Variants in NSD3 observed in about 807,000 individuals in gnomAD.
NSD3 encodes the protein histone-lysine N-methyltransferase NSD3.
In NSD3, 24 loss-of-function variants were observed where a neutral mutation model predicts 160.8. That is an observed-to-expected ratio of 0.15 (90% CI 0.11 to 0.21). NSD3 has a LOEUF of 0.21. Among genes scored for constraint, NSD3 ranks in the 10% least tolerant of loss-of-function variants. The pLI is 1.00. For missense variants in NSD3, 1,157 were observed against 1,735.9 expected (o/e 0.67, Z 5.93); for synonymous variants, 520 against 600.0 (o/e 0.87, Z 1.95).
chr8:38,299,956 A>G (rs1358829607), intron 14 of NSD3, among the ~76,000 whole-genome samples: 4 of 151,964 alleles, frequency 2.6e-5, no homozygotes, highest in Non-Finnish European at 5.9e-5. Flanking sequence ...GATATTATAT[A>G]TCATGTAATG....
At position 38,364,277 on chromosome 8, in the gene NSD3, AAACAACAAC is replaced by A. The variant is rs10672618; in HGVS notation, c.-44-16071_-44-16063del. ...GGGTGACAGAGCAAGACTCCGTCTC[AAACAACAAC>A]AACAACAACAACAACAACAACAACA... On this transcript the variant is annotated intron_variant, in intron 1 of 23. Coordinates refer to ENST00000317025, the MANE Select transcript of NSD3 (RefSeq NM_023034.2). Among the ~76,000 whole-genome samples, 1,431 of 149,406 alleles carry A rather than the reference AAACAACAAC, an allele frequency of 9.6e-3. 11 individuals carry two copies. Among genetic ancestry groups the A allele is most frequent in the Non-Finnish European group, 0.012 (826 of 67,416 alleles).
intron 19 of NSD3, among the ~76,000 whole-genome samples, chr8:38,287,791 T>G (rs1201129456): frequency 1.3e-5 from 2 of 152,122 alleles, no homozygotes; most frequent in Non-Finnish European, 2.9e-5. Context: ...TAGCTGGGAC[T>G]ACAGGTGCCC....
intron 1 of NSD3, among the ~76,000 whole-genome samples, chr8:38,359,310 T>C (rs923359369): frequency 5.3e-5 from 8 of 152,180 alleles, no homozygotes; most frequent in Non-Finnish European, 7.4e-5. Flanking sequence ...CCCAAACACA[T>C]ACCTTTAGAA....
At chr8:38,334,644 C>T (rs1810164006) in intron 4 of NSD3, among the ~76,000 whole-genome samples, 1 of 151,692 alleles carries the variant, frequency 6.6e-6, no homozygotes, top group African/African-American at 2.4e-5. Context: ...CCTGTAATCT[C>T]AGCTACTTGG....
Position 38,313,435 on chromosome 8 carries a change from A to G in NSD3, c.2242+1212T>C, listed in dbSNP as rs1012346097. Among the ~76,000 whole-genome samples, 14 of 152,172 alleles carry G rather than the reference A, an allele frequency of 9.2e-5. 1 individual carries two copies. The highest frequency in any genetic ancestry group is 9.2e-4 in the Admixed American group (14 of 15,280). On this transcript the variant is annotated intron_variant, in intron 12 of 23. Coordinates refer to ENST00000317025, the MANE Select transcript of NSD3 (RefSeq NM_023034.2). ...TTTCTCCTTCTGCATAATGGAAATC[A>G]TAATAGTACCTATCTCATCATGGAT...
rs900806053 is a variant in NSD3, at chr8:38,316,724, C to T, written c.1856-682G>A. ...TCAGTGTTCAAGTGCAGCCAAATCA[C>T]GTAGAGCTGGATGGGAAGGCCTCTA... is the stretch of plus-strand genomic sequence containing the variant. On this transcript the variant is annotated intron_variant, in intron 9 of 23. Coordinates refer to ENST00000317025, the MANE Select transcript of NSD3 (RefSeq NM_023034.2). This position sits in a 1 kb window ranked among gnomAD's most constrained non-coding sequence, Gnocchi z 4.5. 5 of 1,055,924 alleles carry T rather than the reference C, an allele frequency of 4.7e-6. No homozygotes were observed. The highest frequency in any genetic ancestry group is 5.3e-5 in the East Asian group (1 of 18,834). The allele number at this position is 1,055,924 out of a possible 1,614,324, so 65.4% of individuals were successfully genotyped here.
At chr8:38,305,557 T>G (rs1316074489) in intron 12 of NSD3, 112 bp from the exon 13 acceptor site, 1 of 906,582 alleles carries the variant, frequency 1.1e-6, no homozygotes, top group African/African-American at 1.7e-5. Context: ...ATTACTATAC[T>G]TAAGAATTTA....
rs141901471 is a variant in NSD3 at position 38,313,406 on chromosome 8, C to T, written c.2242+1241G>A. Among the ~76,000 whole-genome samples the T allele has an allele frequency of 2.0e-5, 3 of 152,248 alleles. No homozygotes were observed. The South Asian group carries it at 6.2e-4, about 32-fold the overall frequency. ...TGGGGAAGCTATTAAACTCTCTAAT[C>T]CTGTTTCTCCTTCTGCATAATGGAA... On this transcript the variant is annotated intron_variant, in intron 12 of 23. Coordinates refer to ENST00000317025, the MANE Select transcript of NSD3 (RefSeq NM_023034.2).
At chr8:38,340,889 G>C (rs556797441) in intron 2 of NSD3, among the ~76,000 whole-genome samples, 1 of 152,128 alleles carries the variant, frequency 6.6e-6, no homozygotes, top group Admixed American at 6.5e-5. Flanking sequence ...GCTATGGCTC[G>C]GCATGGTGTG....
Position 38,316,795 on chromosome 8 carries a change from G to T in NSD3, c.1856-753C>A. 9.4e-7 allele frequency: 1 copy of T among 1,060,708 alleles called. No individual in the cohort carries two copies. The highest frequency in any genetic ancestry group is 1.1e-6 in the Non-Finnish European group (1 of 876,230). 65.7% of individuals were successfully genotyped at this position (1,060,708 alleles called of 1,614,324 possible). A position where few individuals can be genotyped will look rare whatever the true frequency, so the allele number is the denominator to read the frequency against. ...AAATAAATAGGAAAAAAAAGGCAGA[G>T]AATAGTGTGGAATTGTTTTTTTTAA... is the stretch of plus-strand genomic sequence containing the variant. On this transcript the variant is annotated intron_variant, in intron 9 of 23. Coordinates refer to ENST00000317025, the MANE Select transcript of NSD3 (RefSeq NM_023034.2). This position sits in a 1 kb window ranked among gnomAD's most constrained non-coding sequence, Gnocchi z 4.5.
chr8:38,337,138 G>A (rs1449680140), intron 4 of NSD3, among the ~76,000 whole-genome samples, 167 bp downstream of exon 4: 6 of 138,244 alleles, frequency 4.3e-5, no homozygotes, highest in African/African-American at 1.6e-4. Context: ...CAAAAACTCC[G>A]TCTCAAAAAA....
chr8:38,278,045 T>C (rs910533894), intron 22 of NSD3, among the ~76,000 whole-genome samples: 3 of 151,674 alleles, frequency 2.0e-5, no homozygotes, highest in Non-Finnish European at 4.4e-5. Context: ...TTCACGCCAT[T>C]CTCCTGCCTC....
intron 1 of NSD3, among the ~76,000 whole-genome samples, chr8:38,362,502 T>A (rs553015305): frequency 9.2e-5 from 14 of 152,290 alleles, no homozygotes; most frequent in African/African-American, 3.4e-4. Context: ...TAGTATGTAA[T>A]TTTTTAATTT....
Position 38,270,185 on chromosome 8 carries a change from G to A in NSD3, c.*5456C>T, listed in dbSNP as rs2130967726. On this transcript the variant is annotated 3_prime_UTR_variant, in exon 24 of 24. Transcript: ENST00000317025. The stretch of plus-strand genomic sequence containing the variant: ...AAGTCACAGAAACTCAAAAGAGATT[G>A]ACTTTAGTGAATATTGATGCTTTGT... 6.6e-6 allele frequency: 1 copy of A among 152,308 alleles called. No homozygotes were observed. The highest frequency in any genetic ancestry group is 2.4e-5 in the African/African-American group (1 of 41,574). The allele number at this position is 152,308 out of a possible 1,614,324, so 9.4% of individuals were successfully genotyped here.
At chr8:38,369,807 GT>G (rs1811197402) in intron 1 of NSD3, among the ~76,000 whole-genome samples, 1 of 151,864 alleles carries the variant, frequency 6.6e-6, no homozygotes, top group South Asian at 2.1e-4. Context: ...TTTTGTTTTT[GT>G]TTTTGAGACA....
At chr8:38,308,932 C>G (rs1366106650) in intron 12 of NSD3, among the ~76,000 whole-genome samples, 1 of 152,108 alleles carries the variant, frequency 6.6e-6, no homozygotes, top group Middle Eastern at 3.2e-3. Flanking sequence ...TATCAAACTC[C>G]TTTAAGACTT....
intron 22 of NSD3, among the ~76,000 whole-genome samples, chr8:38,277,694 T>C (rs1322786499): frequency 1.3e-5 from 2 of 152,250 alleles, no homozygotes; most frequent in East Asian, 3.8e-4. Context: ...CATTTTAAAG[T>C]GTATAATTCA....
chr8:38,325,868 G>T (rs574623658), intron 7 of NSD3, among the ~76,000 whole-genome samples: 13 of 149,556 alleles, frequency 8.7e-5, no homozygotes, highest in African/African-American at 3.2e-4. Flanking sequence ...AAAAAAAAAA[G>T]GCCAGACGTG....
In NSD3 at chr8:38,305,259, T is replaced by C; in HGVS notation, c.2429A>G (p.Lys810Arg). 1.2e-6 allele frequency: 2 copies of C among 1,613,910 alleles called. No individual in the cohort carries two copies. The highest frequency in any genetic ancestry group is 1.7e-6 in the Non-Finnish European group (2 of 1,179,924). ...TTCAGCTGTTTTACCTTTACTTGCT[T>C]TGTGGATATCTTTCTCCATAGAGCA... ...SACSMEKDIH[K>R]ASKGRMMRCL... The change falls in exon 13 of 24, where the codon AAA (lysine) becomes AGA (arginine). Residue 810 changes from lysine to arginine, a missense_variant. This residue lies in a region of NSD3 where 437 missense variants were observed against 576.6 expected (regional missense o/e 0.76). Transcript: ENST00000317025.
Sources: allele counts gnomAD v4.1 joint callset (sites outside exome capture counted in the v4.1 genomes callset), GRCh38; gene constraint gnomAD v4.1.1; regional missense constraint gnomAD v4.1.1; non-coding constraint Gnocchi (gnomAD v3.1); transcripts MANE v1.5; gene names NCBI Gene and HGNC (gene_info 2026-07-23, HGNC 2026-07-21).